GSTO1: variants seen among roughly 807,000 people sequenced by gnomAD.
The protein encoded by GSTO1 is glutathione S-transferase omega-1.
A neutral mutation model predicts 23.8 loss-of-function variants in GSTO1; 27 were observed. That is an observed-to-expected ratio of 1.13 (90% CI 0.83 to 1.56). GSTO1 has a LOEUF of 1.56. GSTO1 is among the 40% of genes most tolerant of loss of function. The pLI is 0.00. For missense variants in GSTO1, 255 were observed against 285.8 expected (o/e 0.89, Z 0.78); for synonymous variants, 105 against 109.3 (o/e 0.96, Z 0.25).
intron 2 of GSTO1, among the ~76,000 whole-genome samples, chr10:104,256,419 A>G (rs948146573): frequency 2.0e-5 from 3 of 152,220 alleles, no homozygotes; most frequent in African/African-American, 7.2e-5. Context: ...GTCCTGGGTT[A>G]TGTGCTTCAC....
intron 4 of GSTO1, among the ~76,000 whole-genome samples, chr10:104,264,538 C>T (rs1322378717): frequency 6.6e-6 from 1 of 152,176 alleles, no homozygotes; most frequent in East Asian, 1.9e-4. Context: ...ACCAATTCGC[C>T]TTCTTAAAAT....
Position 104,255,177 on chromosome 10 carries a change from G to A in GSTO1, c.49G>A (p.Gly17Arg), listed in dbSNP as rs2091596481. Residue 17 changes from glycine (G) to arginine (R), a missense_variant, in exon 2 of 6, where the codon GGG (glycine) becomes AGG (arginine). Coordinates refer to ENST00000369713, the MANE Select transcript of GSTO1 (RefSeq NM_004832.3). ...RSLGKGSAPPGPVPEGSIRIY... is the reference protein window; with the variant it reads ...RSLGKGSAPPRPVPEGSIRIY... ...CTCCCCGGCAGGAAGCGCGCCCCCG[G>A]GGCCGGTCCCGGAGGGCTCGATCCG... 6.2e-7 allele frequency: 1 copy of A among 1,613,586 alleles called. No individual in the cohort carries two copies. Among genetic ancestry groups the A allele is most frequent in the Non-Finnish European group, 8.5e-7 (1 of 1,179,630 alleles).
intron 5 of GSTO1, 65 bp from the exon 6 acceptor site, chr10:104,267,187 G>GA: frequency 2.0e-6 from 2 of 994,634 alleles, no homozygotes; most frequent in Non-Finnish European, 1.5e-6. Context: ...ATTACATATG[G>GA]GAGACTCTGT....
At chr10:104,255,448 AT>A (rs1289586491) in intron 2 of GSTO1, among the ~76,000 whole-genome samples, 177 bp downstream of exon 2, 1 of 152,160 alleles carries the variant, frequency 6.6e-6, no homozygotes, top group Non-Finnish European at 1.5e-5. Flanking sequence ...CCTAGGAAAA[AT>A]AGGCCACAGA....
chr10:104,258,210 G>A (rs551687394), intron 2 of GSTO1, among the ~76,000 whole-genome samples: 1 of 152,298 alleles, frequency 6.6e-6, no homozygotes, highest in Admixed American at 6.5e-5. Flanking sequence ...GGCAGGCAGA[G>A]GAGGCAGAGG....
chr10:104,255,054 C>T (rs1224751091), intron 1 of GSTO1, 92 bp downstream of exon 1: 40 of 1,459,950 alleles, frequency 2.7e-5, no homozygotes, highest in South Asian at 9.7e-5. Flanking sequence ...CCCGGGAGCG[C>T]CCCACCGGCG....
intron 3 of GSTO1, among the ~76,000 whole-genome samples, chr10:104,261,905 C>T (rs1436413054): frequency 1.3e-5 from 2 of 152,150 alleles, no homozygotes; most frequent in East Asian, 1.9e-4. Context: ...GATGCTACAC[C>T]CATCAAGTCT....
At chr10:104,267,213 G>T in intron 5 of GSTO1, 39 bp from the exon 6 acceptor site, 1 of 1,473,334 alleles carries the variant, frequency 6.8e-7, no homozygotes, top group South Asian at 1.3e-5. Flanking sequence ...CATCCTAGTT[G>T]ACCTAGCTCA....
At chr10:104,263,192 A>G (rs2135062866) in intron 4 of GSTO1, 115 bp downstream of exon 4, 2 of 538,382 alleles carry the variant, frequency 3.7e-6, no homozygotes, top group South Asian at 4.9e-5. Flanking sequence ...GTAATTAGGA[A>G]AATTCCCCTA....
intron 3 of GSTO1, 43 bp from the exon 4 acceptor site, chr10:104,262,936 G>A: frequency 2.4e-6 from 2 of 849,486 alleles, no homozygotes; most frequent in South Asian, 1.4e-5. Context: ...GGCCGATACA[G>A]TTAGCCATAA....
intron 2 of GSTO1, 81 bp downstream of exon 2, chr10:104,255,352 C>A: frequency 1.2e-6 from 1 of 830,170 alleles, no homozygotes; most frequent in Non-Finnish European, 2.0e-6. Flanking sequence ...GTCTCAGCCC[C>A]CTTCTACCCC....
intron 5 of GSTO1, 58 bp downstream of exon 5, chr10:104,266,248 T>A (rs2011181606): frequency 1.1e-6 from 1 of 887,676 alleles, no homozygotes; most frequent in African/African-American, 1.7e-5. Context: ...TAGTATATAT[T>A]GACCTTTCTT....
Position 104,254,953 on chromosome 10 carries a change from T to C in GSTO1, c.25T>C (p.Leu9=), listed in dbSNP as rs776806870. MSGESARS[L]GKGSAPPGPV... ...GATGTCCGGGGAGTCAGCCAGGAGCTTGGGGAAGGGTGAGGCCTGCCCGCC... is the reference window on the plus strand; with the variant it reads ...GATGTCCGGGGAGTCAGCCAGGAGCCTGGGGAAGGGTGAGGCCTGCCCGCC... Residue 9 remains leucine (L), a synonymous_variant, in exon 1 of 6, where the codon TTG becomes CTG. Transcript: ENST00000369713. The C allele has an allele frequency of 6.8e-6, 11 of 1,610,342 alleles. No homozygotes were observed. The Admixed American group carries it at 1.3e-4, about 20-fold the overall frequency.
upstream of GSTO1, chr10:104,254,813 C>G (rs1296673766): frequency 7.9e-6 from 8 of 1,011,200 alleles, no homozygotes; most frequent in Admixed American, 4.0e-5. Flanking sequence ...CCGCCGGGGG[C>G]AGGCACTTTT....
At chr10:104,256,507 C>A (rs2091603481) in intron 2 of GSTO1, among the ~76,000 whole-genome samples, 2 of 152,110 alleles carry the variant, frequency 1.3e-5, no homozygotes, top group African/African-American at 4.8e-5. Flanking sequence ...ACTATCTTCC[C>A]CTAATAGTGT....
rs897310976 is a variant in GSTO1 at position 104,255,284 on chromosome 10, G to A, written c.143+13G>A. ...CCAAGGGAATCAGGTGGGCACCCAG[G>A]CGGGGGACGCTCCCCGAGCCGTCCG... On this transcript the variant is annotated intron_variant, in intron 2 of 5. Transcript: ENST00000369713. The A allele has an allele frequency of 1.3e-6, 2 of 1,563,884 alleles. No homozygotes were observed. The highest frequency in any genetic ancestry group is 4.5e-5 in the East Asian group (2 of 44,604).
At chr10:104,263,418 T>TA (rs138752143) in intron 4 of GSTO1, among the ~76,000 whole-genome samples, 5 of 152,098 alleles carry the variant, frequency 3.3e-5, no homozygotes, top group South Asian at 2.1e-4. Flanking sequence ...TCCATATATT[T>TA]AAAAAAAATT....
In GSTO1 at chr10:104,263,072, G is replaced by A; in HGVS notation, c.460G>A (p.Glu154Lys). ...ATTTCGTAAAGAATTTACCAAGCTA[G>A]AGGAGGTAATTATTTCTCCTAGCTA... ...EEFRKEFTKL[E>K]EVLTNKKTTF... Residue 154 changes from glutamate to lysine, a missense_variant, in exon 4 of 6, where the codon GAG becomes AAG. Glu to Lys is a moderately conservative substitution (Grantham distance 56, BLOSUM62 1). Transcript: ENST00000369713. 2.4e-6 allele frequency: 3 copies of A among 1,225,646 alleles called. No individual in the cohort carries two copies. The highest frequency in any genetic ancestry group is 3.5e-6 in the Non-Finnish European group (3 of 856,672). 75.9% of individuals were successfully genotyped at this position (1,225,646 alleles called of 1,614,324 possible). A position where few individuals can be genotyped will look rare whatever the true frequency, so the allele number is the denominator to read the frequency against.
chr10:104,259,338 C>T (rs552792501), intron 2 of GSTO1, among the ~76,000 whole-genome samples: 1 of 152,188 alleles, frequency 6.6e-6, no homozygotes, highest in Non-Finnish European at 1.5e-5. Flanking sequence ...ATGGACATTG[C>T]GGACATTATG....
Sources: allele counts gnomAD v4.1 joint callset (sites outside exome capture counted in the v4.1 genomes callset), GRCh38; gene constraint gnomAD v4.1.1; transcripts MANE v1.5; gene names NCBI Gene and HGNC (gene_info 2026-07-23, HGNC 2026-07-21).